PPL: variants seen among roughly 807,000 people sequenced by gnomAD.
The protein encoded by PPL is 190 kDa paraneoplastic pemphigus antigen.
A neutral mutation model predicts 194.4 loss-of-function variants in PPL; 198 were observed. The ratio of observed to expected loss-of-function variants is 1.02; its 90% CI spans 0.91 to 1.15. PPL has a LOEUF of 1.15. Ranked by LOEUF, PPL falls within the 50% of genes most tolerant of loss-of-function variation. The pLI is 0.00. For missense variants in PPL, 2,885 were observed against 2,294.8 expected (o/e 1.26, Z -5.25); for synonymous variants, 1,220 against 972.4 (o/e 1.25, Z -4.74).
rs138381518 is a variant in PPL, at chr16:4,902,982, C to A, written c.318-456G>T. Among the ~76,000 whole-genome samples, 172 of 152,338 alleles carry A rather than the reference C, an allele frequency of 1.1e-3. 1 individual carries two copies. Among genetic ancestry groups the A allele is most frequent in the African/African-American group, 4.1e-3 (170 of 41,578 alleles). On this transcript the variant is annotated intron_variant, in intron 3 of 21. Coordinates refer to ENST00000345988, the MANE Select transcript of PPL (RefSeq NM_002705.5). The surrounding 1 kb of genome is among the most constrained non-coding windows in gnomAD (Gnocchi z 4.0). The stretch of plus-strand genomic sequence containing the variant: ...GGGATCACAGGCGTGAGCCACCGTG[C>A]CTGGCCCCACCCACTTTCCCTCAAC...
chr16:4,902,424 T>A lies in PPL; in HGVS notation c.420A>T (p.Ala140=). Residue 140 remains alanine (A), a synonymous_variant, in exon 4 of 22, where the codon GCA becomes GCT. Coordinates refer to ENST00000345988, the MANE Select transcript of PPL (RefSeq NM_002705.5). The surrounding 1 kb of genome is among the most constrained non-coding windows in gnomAD (Gnocchi z 4.0). ...GCCATACCAGCTTCTCCTCCACCAGTGCCGCCCAGTTGACCTGTGGATCCA... is the reference window on the plus strand; with the variant it reads ...GCCATACCAGCTTCTCCTCCACCAGAGCCGCCCAGTTGACCTGTGGATCCA... ...KEVDPQVNWA[A]LVEEKLDKLN... is the part of the protein sequence containing the mutation. 1 of 1,614,076 alleles carries A rather than the reference T, an allele frequency of 6.2e-7. No individual in the cohort carries two copies. Among genetic ancestry groups the A allele is most frequent in the Non-Finnish European group, 8.5e-7 (1 of 1,179,964 alleles).
chr16:4,888,512 T>A (rs1235351139), intron 19 of PPL, among the ~76,000 whole-genome samples: 1 of 152,232 alleles, frequency 6.6e-6, no homozygotes, highest in Non-Finnish European at 1.5e-5. Context: ...ATTCTGCTGC[T>A]GCTTTTAACA....
chr16:4,895,432 C>T (rs929245328), intron 10 of PPL, 25 bp from the exon 11 acceptor site: 3 of 1,609,482 alleles, frequency 1.9e-6, no homozygotes, highest in East Asian at 2.2e-5. Context: ...GTCAGGGGCC[C>T]AGGTGAGACC....
chr16:4,897,888 G>C, intron 8 of PPL, 118 bp from the exon 9 acceptor site: 1 of 776,004 alleles, frequency 1.3e-6, no homozygotes, highest in Non-Finnish European at 2.1e-6. Flanking sequence ...GCATCTGTCT[G>C]GGTGTGGCTA....
At chr16:4,910,469 T>G (rs1221662236) in intron 2 of PPL, among the ~76,000 whole-genome samples, 1 of 152,034 alleles carries the variant, frequency 6.6e-6, no homozygotes, top group South Asian at 2.1e-4. Context: ...CTGGGCTGTT[T>G]CCATAGAGCC....
chr16:4,899,690 G>GA (rs397695553), intron 6 of PPL, among the ~76,000 whole-genome samples: 1 of 151,964 alleles, frequency 6.6e-6, no homozygotes, highest in Non-Finnish European at 1.5e-5. Flanking sequence ...AACCCTTACG[G>GA]AACTGACATT....
intron 1 of PPL, among the ~76,000 whole-genome samples, chr16:4,925,223 C>T (rs987360316): frequency 4.6e-5 from 7 of 152,232 alleles, no homozygotes; most frequent in African/African-American, 7.2e-5. Flanking sequence ...CCTCTTCTGG[C>T]GTCCTGCCTG....
In PPL at chr16:4,884,342, C is replaced by T. The variant is rs771636228; in HGVS notation, c.4313G>A (p.Arg1438His). 6.1e-5 allele frequency: 99 copies of T among 1,612,374 alleles called. 1 individual carries two copies. Among genetic ancestry groups the T allele is most frequent in the Admixed American group, 2.0e-4 (12 of 59,440 alleles). Reference sequence around the variant, plus strand: ...CTTCTGCGTATGGGTTACCTTCTCACGGGCCTCAGCTTCTTCCTGCTCCAG... The same window carrying T: ...CTTCTGCGTATGGGTTACCTTCTCATGGGCCTCAGCTTCTTCCTGCTCCAG... ...AALEQEEAEAREKVTHTQKVV... is the reference protein window; with the variant it reads ...AALEQEEAEAHEKVTHTQKVV... The change falls in exon 22 of 22, where the codon CGT (arginine) becomes CAT (histidine). Residue 1438 changes from arginine (R) to histidine (H), a missense_variant. Arg to His is a conservative substitution (Grantham distance 29). Coordinates refer to ENST00000345988, the MANE Select transcript of PPL (RefSeq NM_002705.5). This position sits in a 1 kb window ranked among gnomAD's most constrained non-coding sequence, Gnocchi z 5.7.
chr16:4,916,946 A>G (rs1308589892), intron 1 of PPL, among the ~76,000 whole-genome samples: 3 of 152,120 alleles, frequency 2.0e-5, no homozygotes, highest in South Asian at 2.1e-4. Context: ...CCTGGCCAAC[A>G]TGGTGAAACC....
intron 1 of PPL, among the ~76,000 whole-genome samples, chr16:4,916,418 G>A (rs1437304850): frequency 6.6e-6 from 1 of 152,056 alleles, no homozygotes; most frequent in Non-Finnish European, 1.5e-5. Context: ...TGCCATGTTG[G>A]CCAGGCTGGT....
At chr16:4,915,697 C>T (rs975947136) in intron 1 of PPL, among the ~76,000 whole-genome samples, 3 of 152,216 alleles carry the variant, frequency 2.0e-5, no homozygotes, top group Non-Finnish European at 2.9e-5. Flanking sequence ...TCTCCACCAT[C>T]GTAATATGAG....
rs199958643 is a variant in PPL, at chr16:4,893,350, G to A, written c.1513C>T (p.Arg505Trp). 60 of 1,607,540 alleles carry A rather than the reference G, an allele frequency of 3.7e-5. No homozygotes were observed. In the Admixed American group the frequency reaches 6.0e-4, roughly 16 times the overall value. Residue 505 changes from arginine to tryptophan, a missense_variant, in exon 14 of 22, where the codon CGG (arginine) becomes TGG (tryptophan). Transcript: ENST00000345988. ...TTGTCCAAGCCAGCCAGCAGCTGCC[G>A]CCCCTGTAGGTCAGAGGCATCTGTG... ...NPGDASDLQG[R>W]QLLAGLDKVA... is the part of the protein sequence containing the mutation.
At position 4,893,529 on chromosome 16, in the gene PPL, C is replaced by T. The variant is rs939852049; in HGVS notation, c.1492+12G>A. The T allele has an allele frequency of 6.2e-7, 1 of 1,611,552 alleles. No individual in the cohort carries two copies. The highest frequency in any genetic ancestry group is 1.1e-5 in the South Asian group (1 of 90,902). On this transcript the variant is annotated intron_variant, in intron 13 of 21. Coordinates refer to ENST00000345988, the MANE Select transcript of PPL (RefSeq NM_002705.5). ...ACCCCCAGAGCCTCAGGCGAGTGGC[C>T]CTGGCACCCACCTCCGGGATTCTCG...
chr16:4,898,204 C>T (rs1030590798), intron 8 of PPL, among the ~76,000 whole-genome samples: 1 of 152,140 alleles, frequency 6.6e-6, no homozygotes, highest in Non-Finnish European at 1.5e-5. Flanking sequence ...ATGATGAGAC[C>T]CTGTCTCTAC....
At chr16:4,925,413 G>A (rs2089138046) in intron 1 of PPL, among the ~76,000 whole-genome samples, 1 of 151,958 alleles carries the variant, frequency 6.6e-6, no homozygotes, top group African/African-American at 2.4e-5. Flanking sequence ...CCTACTGGGT[G>A]CCCAGCGACC....
chr16:4,933,096 G>C (rs1206871439), intron 1 of PPL, among the ~76,000 whole-genome samples: 1 of 151,820 alleles, frequency 6.6e-6, no homozygotes, highest in African/African-American at 2.4e-5. Context: ...CTGCCTCCCA[G>C]GTTCAAGGGA....
Position 4,883,370 on chromosome 16 carries a change from T to TG in PPL, c.*13dup, listed in dbSNP as rs753945933. 13 of 1,613,364 alleles carry TG rather than the reference T, an allele frequency of 8.1e-6. No homozygotes were observed. In the South Asian group the frequency reaches 1.2e-4, roughly 15 times the overall value. On this transcript the variant is annotated 3_prime_UTR_variant, in exon 22 of 22. Transcript: ENST00000345988. This position sits in a 1 kb window ranked among gnomAD's most constrained non-coding sequence, Gnocchi z 4.8. ...GCCAGCGTCTGCCGTTACGAAGAGT[T>TG]GCAAGAGCTGTGCCTACTTCTGCCC... is the stretch of plus-strand genomic sequence containing the variant.
At position 4,884,128 on chromosome 16, in the gene PPL, C is replaced by T. The variant is rs1210999458; in HGVS notation, c.4527G>A (p.Lys1509=). ...VVLSESVQVE[K]GDTEQEIQRL... Reference sequence around the variant, plus strand: ...TCTGGATCTCTTGCTCGGTGTCGCCCTTCTCCACCTGGACACTCTCGGAGA... The same window carrying T: ...TCTGGATCTCTTGCTCGGTGTCGCCTTTCTCCACCTGGACACTCTCGGAGA... Residue 1509 remains lysine, a synonymous_variant, in exon 22 of 22, where the codon AAG becomes AAA. Transcript: ENST00000345988. The surrounding 1 kb of genome is among the most constrained non-coding windows in gnomAD (Gnocchi z 5.7). The T allele has an allele frequency of 2.6e-5, 42 of 1,613,584 alleles. 1 individual carries two copies. The East Asian group carries it at 7.4e-4, about 28-fold the overall frequency.
intron 1 of PPL, among the ~76,000 whole-genome samples, chr16:4,931,287 CCAG>C (rs2089222094): frequency 6.6e-6 from 1 of 152,098 alleles, no homozygotes; most frequent in Non-Finnish European, 1.5e-5. Flanking sequence ...TTGCTTGAGC[CCAG>C]CAGTTCAAGG....
Sources: gnomAD v4.1 joint callset for allele counts (sites outside exome capture counted in the v4.1 genomes callset) on GRCh38, gnomAD v4.1.1 for gene constraint, Gnocchi (gnomAD v3.1) non-coding constraint, MANE v1.5 for transcripts, NCBI Gene and HGNC (gene_info 2026-07-23, HGNC 2026-07-21) for gene names.